Variants in CD109 observed in about 807,000 individuals in gnomAD.
CD109 encodes the protein CD109 molecule.
A neutral mutation model predicts 165.8 loss-of-function variants in CD109; 149 were observed. The ratio of observed to expected loss-of-function variants is 0.90; its 90% confidence interval spans 0.79 to 1.03. The LOEUF (loss-of-function observed/expected upper bound fraction) is 1.03, where lower values mean the gene tolerates loss of function less well. Among genes scored for constraint, CD109 ranks in the 50% least tolerant of loss-of-function variants. CD109 has a pLI of 0.00. For missense variants in CD109, 1,712 were observed against 1,677.8 expected (o/e 1.02, Z -0.36); for synonymous variants, 585 against 592.1 (o/e 0.99, Z 0.18).
chr6:73,746,111 A>G (rs191694632), intron 5 of CD109, among the ~76,000 whole-genome samples: 2 of 152,358 alleles, frequency 1.3e-5, no homozygotes, highest in East Asian at 1.9e-4. Context: ...GCGGCCCTAT[A>G]TTATCTTAAC....
chr6:73,773,095 TTG>T lies in CD109; in HGVS notation c.1827+1524_1827+1525del, dbSNP rs1236154814. Among the ~76,000 whole-genome samples, 5 of 151,308 alleles carry T rather than the reference TTG, an allele frequency of 3.3e-5. No homozygotes were observed. In the East Asian group the frequency reaches 9.7e-4, roughly 29 times the overall value. On this transcript the variant is annotated intron_variant, in intron 15 of 32. Transcript: ENST00000287097. Reference sequence around the variant, plus strand: ...TTTTCTTCCCTACATATGTGTATGTTTGTGTGTGTGTACGTGTGTGTATACAT... The same window carrying T: ...TTTTCTTCCCTACATATGTGTATGTTTGTGTGTGTACGTGTGTGTATACAT...
chr6:73,760,009 C>A (rs7775539), intron 7 of CD109, among the ~76,000 whole-genome samples: 76,480 of 151,812 alleles, frequency 0.5, 19,650 homozygotes, highest in African/African-American at 0.61. Context: ...TTCAGGAAGC[C>A]GCCGTTTACT....
chr6:73,823,272 C>T (rs569123961), intron 32 of CD109, among the ~76,000 whole-genome samples, 186 bp from the exon 33 acceptor site: 1 of 152,286 alleles, frequency 6.6e-6, no homozygotes, highest in East Asian at 1.9e-4. Flanking sequence ...CGCATTGTTT[C>T]TCTCTTGGAT....
At chr6:73,770,912 G>A (rs1027855849) in intron 14 of CD109, among the ~76,000 whole-genome samples, 4 of 152,182 alleles carry the variant, frequency 2.6e-5, no homozygotes, top group African/African-American at 4.8e-5. Context: ...TGGAGACAGA[G>A]CATGAGGGCC....
In CD109 at chr6:73,788,533, G is replaced by A; in HGVS notation, c.2622G>A (p.Gln874=). The stretch of plus-strand genomic sequence containing the variant: ...TAGACTTGACTGACAATAGGCTACA[G>A]AGTACCCTGAAAACTTTGAGTTTCT... The part of the protein sequence containing the change: ...ILLDLTDNRL[Q]STLKTLSFSF... The change falls in exon 22 of 33, where the codon CAG becomes CAA. Residue 874 remains glutamine (Q), a synonymous_variant. Coordinates refer to ENST00000287097, the MANE Select transcript of CD109 (RefSeq NM_133493.5). The A allele has an allele frequency of 6.2e-7, 1 of 1,612,104 alleles. No homozygotes were observed. The highest frequency in any genetic ancestry group is 2.2e-5 in the East Asian group (1 of 44,822).
In CD109 at chr6:73,751,910, C is replaced by T. The variant is rs529724377; in HGVS notation, c.634-4733C>T. ...AACCAGTTTTTGGAAACCTCCTTTA[C>T]AGGTCCTGCATCCTTCACCTGTGGA... On this transcript the variant is annotated intron_variant, in intron 5 of 32. Transcript: ENST00000287097. 2.0e-5 allele frequency among the ~76,000 whole-genome samples: 3 copies of T among 152,356 alleles called. No homozygotes were observed. In the East Asian group the frequency reaches 5.8e-4, roughly 29 times the overall value.
chr6:73,797,756 T>C (rs543427053), intron 23 of CD109, among the ~76,000 whole-genome samples: 2 of 152,310 alleles, frequency 1.3e-5, no homozygotes, highest in South Asian at 4.1e-4. Flanking sequence ...TTTGAAATTT[T>C]ACATTCATGG....
At position 73,806,516 on chromosome 6, in the gene CD109, AAAAAT is replaced by A. The variant is rs200373426; in HGVS notation, c.2961-312_2961-308del. Among the ~76,000 whole-genome samples the A allele has an allele frequency of 5.8e-3, 886 of 152,270 alleles. 30 individuals are homozygous for A. The highest frequency in any genetic ancestry group is 0.053 in the Admixed American group (803 of 15,284). On this transcript the variant is annotated intron_variant, in intron 24 of 32. Coordinates refer to ENST00000287097, the MANE Select transcript of CD109 (RefSeq NM_133493.5). ...CCCTAGAACTTAAAGTATAATAAAT[AAAAAT>A]AAAATAAAATAAAATTAAATTAAAA...
At chr6:73,713,627 T>C (rs548822848) in intron 2 of CD109, among the ~76,000 whole-genome samples, 15 of 152,164 alleles carry the variant, frequency 9.9e-5, no homozygotes, top group Non-Finnish European at 1.5e-4. Context: ...GTCTGAGCAG[T>C]AGGACCCAGG....
chr6:73,705,493 G>A (rs146469951), intron 2 of CD109, among the ~76,000 whole-genome samples: 1 of 151,944 alleles, frequency 6.6e-6, no homozygotes, highest in Admixed American at 6.6e-5. Flanking sequence ...TAAAAAAAAG[G>A]TAGCTGGACG....
intron 23 of CD109, among the ~76,000 whole-genome samples, chr6:73,793,111 A>T (rs907431464): frequency 6.6e-6 from 1 of 152,224 alleles, no homozygotes; most frequent in Non-Finnish European, 1.5e-5. Context: ...AGGAATACTC[A>T]TTCATTTTAT....
chr6:73,768,015 G>A, intron 13 of CD109, 40 bp from the exon 14 acceptor site: 1 of 1,516,522 alleles, frequency 6.6e-7, no homozygotes, highest in Non-Finnish European at 9.1e-7. Flanking sequence ...GATCCTACTA[G>A]GTTTGGCAAT....
At chr6:73,805,703 G>A (rs926348287) in intron 24 of CD109, among the ~76,000 whole-genome samples, 5 of 152,164 alleles carry the variant, frequency 3.3e-5, no homozygotes, top group Admixed American at 2.6e-4. Flanking sequence ...CTTCCGCAGT[G>A]TTTGTGTCCC....
intron 5 of CD109, among the ~76,000 whole-genome samples, chr6:73,740,814 C>T (rs561870674): frequency 6.6e-6 from 1 of 152,066 alleles, no homozygotes; most frequent in African/African-American, 2.4e-5. Context: ...TGGTCTTGAA[C>T]TCCAGACCTC....
Position 73,750,854 on chromosome 6 carries a change from G to A in CD109, c.634-5789G>A, listed in dbSNP as rs142047139. Among the ~76,000 whole-genome samples, 641 of 152,184 alleles carry A rather than the reference G, an allele frequency of 4.2e-3. 5 individuals carry two copies. Among genetic ancestry groups the A allele is most frequent in the South Asian group, 0.024 (117 of 4,818 alleles). Reference sequence around the variant, plus strand: ...GCCATTTTGTCCTGTTCTTTGGGACGAATTCTTCCCTACTCCTTGGATAAA... The same window carrying A: ...GCCATTTTGTCCTGTTCTTTGGGACAAATTCTTCCCTACTCCTTGGATAAA... On this transcript the variant is annotated intron_variant, in intron 5 of 32. Transcript: ENST00000287097.
At chr6:73,694,653 T>C (rs1056983077), upstream of CD109, 1 of 152,194 alleles carries the variant, frequency 6.6e-6, no homozygotes, top group African/African-American at 2.4e-5. Flanking sequence ...TACTGTCTGC[T>C]AAAGTAAAGC....
the CD109 span, among the ~76,000 whole-genome samples, chr6:73,681,168 CTCTT>C: frequency 6.6e-6 from 1 of 152,094 alleles, no homozygotes; most frequent in African/African-American, 2.4e-5. Flanking sequence ...TCTATTCTCT[CTCTT>C]TTTTACCCCA....
intron 2 of CD109, among the ~76,000 whole-genome samples, chr6:73,707,639 A>G (rs1771332501): frequency 6.6e-6 from 1 of 152,212 alleles, no homozygotes; most frequent in South Asian, 2.1e-4. Flanking sequence ...ATCATCCAAT[A>G]TGGTAGCTAC....
chr6:73,696,318 C>CGGGGGGCGCGCGGGCGCGCGGG, intron 1 of CD109, 29 bp downstream of exon 1: 1 of 1,385,488 alleles, frequency 7.2e-7, no homozygotes, highest in East Asian at 2.8e-5. Flanking sequence ...GGGGGGCGCG[C>CGGGGGGCGCGCGGGCGCGCGGG]GGGCGCGCGG....
Sources: allele counts gnomAD v4.1 joint callset (sites outside exome capture counted in the v4.1 genomes callset), GRCh38; gene constraint gnomAD v4.1.1; transcripts MANE v1.5; gene names NCBI Gene and HGNC (gene_info 2026-07-23, HGNC 2026-07-21).